Variants in NUTF2 observed in about 807,000 individuals in gnomAD.
NUTF2 encodes nuclear transport factor 2, also known as placental protein 15.
NUTF2 carries 3 observed loss-of-function variants against 18.5 expected under a neutral mutation model. The ratio of observed to expected loss-of-function variants is 0.16; its 90% CI spans 0.07 to 0.42. NUTF2 has a LOEUF of 0.42. Ranked by LOEUF, NUTF2 falls within the 10% of genes least tolerant of loss-of-function variation. NUTF2 has a pLI of 0.99. For missense variants in NUTF2, 44 were observed against 160.7 expected, an observed-to-expected ratio of 0.27 and a Z score of 3.93; for synonymous variants, 51 against 57.9, an observed-to-expected ratio of 0.88 and a Z score of 0.54.
At chr16:67,863,035 A>C (rs1204245573) in intron 1 of NUTF2, among the ~76,000 whole-genome samples, 5 of 152,170 alleles carry the variant, frequency 3.3e-5, no homozygotes, top group Non-Finnish European at 7.4e-5. Context: ...TGAGTGACTA[A>C]GCATAGCAAG....
rs777498353 is a variant in NUTF2, at chr16:67,851,887, A to C, written c.-30+4902A>C. Among the ~76,000 whole-genome samples the C allele has an allele frequency of 5.3e-5, 8 of 151,070 alleles. 1 individual carries two copies. Among genetic ancestry groups the C allele is most frequent in the South Asian group, 4.2e-4 (2 of 4,746 alleles). Reference sequence around the variant, plus strand: ...GAAAATTAGCTGAGCGTGGTGGTGCATGCCTGTAATCCCAGCTACTCAGGA... The same window carrying C: ...GAAAATTAGCTGAGCGTGGTGGTGCCTGCCTGTAATCCCAGCTACTCAGGA... On this transcript the variant is annotated intron_variant, in intron 1 of 4. Coordinates refer to ENST00000219169, the MANE Select transcript of NUTF2 (RefSeq NM_005796.3).
At chr16:67,854,552 C>T (rs2057881893) in intron 1 of NUTF2, among the ~76,000 whole-genome samples, 1 of 152,218 alleles carries the variant, frequency 6.6e-6, no homozygotes, top group African/African-American at 2.4e-5. Flanking sequence ...GAATCCAATT[C>T]AGACCATTTT....
At position 67,870,928 on chromosome 16, in the gene NUTF2, G is replaced by C; in HGVS notation, c.*15G>C. 1 of 1,572,948 alleles carries C rather than the reference G, an allele frequency of 6.4e-7. No individual in the cohort carries two copies. The highest frequency in any genetic ancestry group is 8.8e-7 in the Non-Finnish European group (1 of 1,142,448). On this transcript the variant is annotated 3_prime_UTR_variant, in exon 5 of 5. Transcript: ENST00000219169. ...ACTTTGGCTGACCTCCTCTCAGCTAGGCACTCACGCTGTTTCCTCCTCCCT... is the reference window on the plus strand; with the variant it reads ...ACTTTGGCTGACCTCCTCTCAGCTACGCACTCACGCTGTTTCCTCCTCCCT...
intron 4 of NUTF2, among the ~76,000 whole-genome samples, chr16:67,869,552 G>A (rs1253764201): frequency 2.0e-5 from 3 of 151,520 alleles, no homozygotes; most frequent in African/African-American, 7.3e-5. Flanking sequence ...TTGGGAGGCC[G>A]AGGCAGGCAG....
intron 1 of NUTF2, among the ~76,000 whole-genome samples, chr16:67,851,565 G>A (rs2057857760): frequency 6.6e-6 from 1 of 151,948 alleles, no homozygotes; most frequent in African/African-American, 2.4e-5. Flanking sequence ...TTGCAGTTTT[G>A]TTACATATGT....
chr16:67,847,260 C>T (rs1297303066), intron 1 of NUTF2: 1 of 152,320 alleles, frequency 6.6e-6, no homozygotes, highest in East Asian at 1.9e-4. Flanking sequence ...TGCGCCATGG[C>T]CAGGCCTTTT....
intron 1 of NUTF2, among the ~76,000 whole-genome samples, chr16:67,859,139 C>T (rs192737770): frequency 6.6e-6 from 1 of 152,024 alleles, no homozygotes; most frequent in East Asian, 1.9e-4. Context: ...TGTGAGCCAC[C>T]ACACCCGCAA....
At chr16:67,858,460 C>T (rs762245120) in intron 1 of NUTF2, among the ~76,000 whole-genome samples, 1 of 152,170 alleles carries the variant, frequency 6.6e-6, no homozygotes, top group Non-Finnish European at 1.5e-5. Context: ...AGCCACTGTA[C>T]CTGGCCACTA....
intron 1 of NUTF2, among the ~76,000 whole-genome samples, chr16:67,849,803 C>T (rs578230272): frequency 3.3e-5 from 5 of 151,950 alleles, no homozygotes; most frequent in Non-Finnish European, 7.4e-5. Context: ...GGACTACAGG[C>T]GCCCACCACC....
Position 67,871,082 on chromosome 16 carries a change from G to A in NUTF2, c.*169G>A. 1 of 543,608 alleles carries A rather than the reference G, an allele frequency of 1.8e-6. No homozygotes were observed. The highest frequency in any genetic ancestry group is 3.2e-5 in the East Asian group (1 of 31,482). 33.7% of individuals were successfully genotyped at this position (543,608 alleles called of 1,614,324 possible). A position where few individuals can be genotyped will look rare whatever the true frequency, so the allele number is the denominator to read the frequency against. The stretch of plus-strand genomic sequence containing the variant: ...TGTTGTGCATGATGTTTGGATGCTA[G>A]ACTAGTTGCATCTGACGGGAGAAGT... On this transcript the variant is annotated 3_prime_UTR_variant, in exon 5 of 5. Coordinates refer to ENST00000219169, the MANE Select transcript of NUTF2 (RefSeq NM_005796.3).
At chr16:67,849,849 G>A (rs1315584419) in intron 1 of NUTF2, among the ~76,000 whole-genome samples, 3 of 151,884 alleles carry the variant, frequency 2.0e-5, no homozygotes, top group African/African-American at 4.8e-5. Context: ...TAGTAGAGAC[G>A]GGGTTTCACC....
intron 4 of NUTF2, among the ~76,000 whole-genome samples, chr16:67,869,300 G>A (rs1041548455): frequency 2.6e-5 from 4 of 151,306 alleles, no homozygotes; most frequent in Non-Finnish European, 4.4e-5. Flanking sequence ...GGCCAGGCTG[G>A]TCTTGAACTC....
intron 1 of NUTF2, among the ~76,000 whole-genome samples, chr16:67,859,485 G>A (rs2057920184): frequency 6.6e-6 from 1 of 151,894 alleles, no homozygotes; most frequent in South Asian, 2.1e-4. Flanking sequence ...GAGTAGCTGG[G>A]ATTACAGGGA....
At chr16:67,854,775 C>T (rs1015815942) in intron 1 of NUTF2, among the ~76,000 whole-genome samples, 2 of 152,064 alleles carry the variant, frequency 1.3e-5, no homozygotes, top group African/African-American at 2.4e-5. Flanking sequence ...GGCAAAACCC[C>T]GTCTCTACCA....
intron 1 of NUTF2, among the ~76,000 whole-genome samples, chr16:67,864,710 G>T (rs189221553): frequency 1.3e-4 from 20 of 152,256 alleles, no homozygotes; most frequent in Non-Finnish European, 2.5e-4. Context: ...CTTGCAGGTT[G>T]TTGAGAGGAT....
chr16:67,858,097 A>T (rs1389896708), intron 1 of NUTF2, among the ~76,000 whole-genome samples: 1 of 152,236 alleles, frequency 6.6e-6, no homozygotes, highest in African/African-American at 2.4e-5. Context: ...AAACTGTGAC[A>T]ATGTCATGCA....
intron 1 of NUTF2, among the ~76,000 whole-genome samples, chr16:67,857,338 C>T (rs889297546): frequency 6.6e-6 from 1 of 152,144 alleles, no homozygotes; most frequent in Admixed American, 6.5e-5. Flanking sequence ...CTCTAGAACC[C>T]TCCCTGCAGG....
intron 4 of NUTF2, 51 bp from the exon 5 acceptor site, chr16:67,870,749 C>A: frequency 6.9e-7 from 1 of 1,450,686 alleles, no homozygotes; most frequent in Non-Finnish European, 9.7e-7. Flanking sequence ...CCACTGAATT[C>A]CCTTCCTGTT....
intron 2 of NUTF2, 121 bp from the exon 3 acceptor site, chr16:67,868,219 A>G (rs2057987707): frequency 1.3e-6 from 1 of 786,670 alleles, no homozygotes; most frequent in East Asian, 2.6e-5. Flanking sequence ...CCTTCTTTAG[A>G]CAGGGAAACT....
Sources: allele counts gnomAD v4.1 joint callset (sites outside exome capture counted in the v4.1 genomes callset), GRCh38; gene constraint gnomAD v4.1.1; transcripts MANE v1.5; gene names NCBI Gene and HGNC (gene_info 2026-07-23, HGNC 2026-07-21).